The following TSNARE1 variants were observed in gnomAD, a reference collection of about 807,000 sequenced individuals.
TSNARE1 encodes t-SNARE domain-containing protein 1.
A neutral mutation model predicts 62.0 loss-of-function variants in TSNARE1; 49 were observed. That is an observed-to-expected ratio of 0.79 (90% CI 0.63 to 1.00). The LOEUF (loss-of-function observed/expected upper bound fraction) is 1.00, where lower values mean the gene tolerates loss of function less well. Among genes scored for constraint, TSNARE1 ranks in the 50% least tolerant of loss-of-function variants. The probability of loss-of-function intolerance (pLI) is 0.00; values close to 1 mark genes in which losing one functional copy is unlikely to be tolerated. For missense variants in TSNARE1, 755 were observed against 700.1 expected (o/e 1.08, Z -0.88); for synonymous variants, 328 against 294.4 (o/e 1.11, Z -1.17).
chr8:142,240,051 AG>A (rs1817609591), intron 12 of TSNARE1, among the ~76,000 whole-genome samples: 1 of 152,254 alleles, frequency 6.6e-6, no homozygotes, highest in Admixed American at 6.5e-5. Flanking sequence ...ATGAAAAGAC[AG>A]GGATTGACAC....
chr8:142,277,152 G>A, intron 11 of TSNARE1: 21 of 985,310 alleles, frequency 2.1e-5, no homozygotes, highest in Non-Finnish European at 2.5e-5. Context: ...GGTGAGCCCT[G>A]CAGAGCCACA....
intron 13 of TSNARE1, among the ~76,000 whole-genome samples, chr8:142,226,914 T>C (rs553938856): frequency 2.0e-5 from 3 of 149,478 alleles, no homozygotes; most frequent in African/African-American, 7.4e-5. Context: ...CAATAACAAG[T>C]CCCCCACTGC....
intron 12 of TSNARE1, chr8:142,271,126 G>A: frequency 1.0e-6 from 1 of 986,554 alleles, no homozygotes; most frequent in East Asian, 1.1e-4. Flanking sequence ...TCCCTGAGAA[G>A]ACCTCGAGCC....
chr8:142,272,921 C>T, intron 12 of TSNARE1: 3 of 985,442 alleles, frequency 3.0e-6, no homozygotes, highest in South Asian at 4.7e-5. Flanking sequence ...GGGAGCAGGA[C>T]ATTCTATGCA....
intron 1 of TSNARE1, among the ~76,000 whole-genome samples, chr8:142,399,328 G>A (rs1336272112): frequency 3.3e-5 from 5 of 152,168 alleles, no homozygotes; most frequent in Non-Finnish European, 7.3e-5. Context: ...AATCCCCATC[G>A]GGCATTCACT....
chr8:142,381,343 C>A (rs930203523), intron 1 of TSNARE1, among the ~76,000 whole-genome samples: 1 of 152,246 alleles, frequency 6.6e-6, no homozygotes. Context: ...TGGCTAAACC[C>A]CACGGCCGGG....
intron 13 of TSNARE1, among the ~76,000 whole-genome samples, chr8:142,222,857 C>T (rs1205187401): frequency 6.6e-6 from 1 of 151,930 alleles, no homozygotes; most frequent in Non-Finnish European, 1.5e-5. Flanking sequence ...TCCACTCACT[C>T]ATCCACTCAC....
chr8:142,299,395 T>G (rs1440283987), intron 10 of TSNARE1, among the ~76,000 whole-genome samples: 1 of 152,218 alleles, frequency 6.6e-6, no homozygotes, highest in Non-Finnish European at 1.5e-5. Flanking sequence ...TAGCAGACAT[T>G]TGCTCTGGAA....
rs1293169174 is a variant in TSNARE1 at position 142,403,132 on chromosome 8, C to G, written c.-68G>C. 2.0e-5 allele frequency: 3 copies of G among 148,846 alleles called. No homozygotes were observed. Among genetic ancestry groups the G allele is most frequent in the Middle Eastern group, 3.4e-3 (1 of 294 alleles). 9.2% of individuals were successfully genotyped at this position (148,846 alleles called of 1,614,324 possible). A position where few individuals can be genotyped will look rare whatever the true frequency, so the allele number is the denominator to read the frequency against. ...GGCCTCGGTGGCTCGCGGACCGCTC[C>G]GGGCGCTCACGGCGGGCGAGGCGGG... On this transcript the variant is annotated 5_prime_UTR_variant, in exon 1 of 14. Transcript: ENST00000524325.
chr8:142,271,293 C>T, intron 12 of TSNARE1: 23 of 1,081,388 alleles, frequency 2.1e-5, no homozygotes, highest in Non-Finnish European at 2.1e-5. Flanking sequence ...TCCACGCCAT[C>T]GGCCAGACGC....
chr8:142,254,850 G>C (rs375357812), intron 12 of TSNARE1, among the ~76,000 whole-genome samples: 3 of 152,296 alleles, frequency 2.0e-5, no homozygotes, highest in African/African-American at 7.2e-5. Context: ...TCTCGCAGGG[G>C]TGGTGCTGCA....
At chr8:142,332,525 T>C (rs1018796285) in intron 4 of TSNARE1, among the ~76,000 whole-genome samples, 2 of 152,180 alleles carry the variant, frequency 1.3e-5, no homozygotes, top group Non-Finnish European at 2.9e-5. Flanking sequence ...GCTATATGCT[T>C]TAATATGGAT....
At chr8:142,238,375 C>T (rs1817536941) in intron 12 of TSNARE1, among the ~76,000 whole-genome samples, 1 of 152,118 alleles carries the variant, frequency 6.6e-6, no homozygotes, top group African/African-American at 2.4e-5. Flanking sequence ...CTTTCCACAC[C>T]ATTAACTGAA....
At chr8:142,269,750 C>A in intron 12 of TSNARE1, 2 of 985,396 alleles carry the variant, frequency 2.0e-6, no homozygotes, top group Non-Finnish European at 2.4e-6. Flanking sequence ...CAGGGTGGAA[C>A]CATCAGAGTG....
intron 10 of TSNARE1, among the ~76,000 whole-genome samples, chr8:142,298,869 G>T (rs1356054312): frequency 6.6e-6 from 1 of 152,204 alleles, no homozygotes; most frequent in African/African-American, 2.4e-5. Context: ...TCCTGGAGGA[G>T]CTCACGAGCA....
intron 10 of TSNARE1, 34 bp downstream of exon 10, chr8:142,300,452 G>A (rs1270323873): frequency 6.3e-7 from 1 of 1,579,418 alleles, no homozygotes; most frequent in South Asian, 1.1e-5. Context: ...TGTGGAGTGT[G>A]GAGAGTGAGC....
At chr8:142,372,682 C>T (rs1171790957) in intron 1 of TSNARE1, among the ~76,000 whole-genome samples, 1 of 152,190 alleles carries the variant, frequency 6.6e-6, no homozygotes, top group Non-Finnish European at 1.5e-5. Flanking sequence ...GAGCTGAGCT[C>T]ACATACGCAG....
chr8:142,237,841 T>C (rs1817508913), intron 12 of TSNARE1, among the ~76,000 whole-genome samples: 1 of 152,192 alleles, frequency 6.6e-6, no homozygotes, highest in South Asian at 2.1e-4. Context: ...TCGTGAGTCC[T>C]GTCCACCAGC....
chr8:142,222,884 CCACT>C (rs1406397647), intron 13 of TSNARE1, among the ~76,000 whole-genome samples: 1 of 134,554 alleles, frequency 7.4e-6, no homozygotes, highest in East Asian at 2.5e-4. Flanking sequence ...ACTTACTCAT[CCACT>C]CACTCATTCA....
Sources: gnomAD v4.1 joint callset for allele counts (sites outside exome capture counted in the v4.1 genomes callset) on GRCh38, gnomAD v4.1.1 for gene constraint, MANE v1.5 for transcripts, NCBI Gene and HGNC (gene_info 2026-07-23, HGNC 2026-07-21) for gene names.